GRIP1: variants seen among roughly 807,000 people sequenced by gnomAD.
GRIP1 encodes glutamate receptor-interacting protein 1.
Under a neutral mutation model 129.9 loss-of-function variants are expected in GRIP1, and 45 were observed. The ratio of observed to expected loss-of-function variants is 0.35; its 90% confidence interval spans 0.27 to 0.44. The LOEUF is 0.44. Ranked by LOEUF, GRIP1 falls within the 20% of genes least tolerant of loss-of-function variation. The probability of loss-of-function intolerance (pLI) is 1.00; values close to 1 mark genes in which losing one functional copy is unlikely to be tolerated. For missense variants in GRIP1, 1,196 were observed against 1,396.8 expected, an observed-to-expected ratio of 0.86 and a Z score of 2.29; for synonymous variants, 530 against 520.8, an observed-to-expected ratio of 1.02 and a Z score of -0.24.
At chr12:66,675,824 G>T (rs1207408900) in intron 1 of GRIP1, among the ~76,000 whole-genome samples, 2 of 152,208 alleles carry the variant, frequency 1.3e-5, no homozygotes, top group Non-Finnish European at 2.9e-5. Flanking sequence ...ATGAACCAAA[G>T]TTCCTCTCAT....
At chr12:66,394,482 TG>T (rs749433011) in intron 16 of GRIP1, 130 bp from the exon 17 acceptor site, 2 of 806,964 alleles carry the variant, frequency 2.5e-6, no homozygotes, top group South Asian at 1.5e-5. Flanking sequence ...ATAATTATTT[TG>T]GGAAGTAGCA....
At chr12:66,370,265 C>T (rs554450804) in intron 23 of GRIP1, among the ~76,000 whole-genome samples, 118 of 152,316 alleles carry the variant, frequency 7.7e-4, no homozygotes, top group South Asian at 2.7e-3. Context: ...TATCTTCCCA[C>T]TGTTTCCCAG....
At chr12:66,918,497 A>G (rs2041163252) in intron 1 of GRIP1, among the ~76,000 whole-genome samples, 1 of 152,182 alleles carries the variant, frequency 6.6e-6, no homozygotes, top group African/African-American at 2.4e-5. Context: ...GCAGGCTGAC[A>G]TATAAAACAA....
intron 1 of GRIP1, among the ~76,000 whole-genome samples, chr12:67,022,230 T>C (rs938943293): frequency 1.3e-5 from 2 of 152,150 alleles, no homozygotes; most frequent in East Asian, 3.8e-4. Flanking sequence ...GATCATATGG[T>C]AGTTGTTTTT....
At chr12:66,995,911 T>C (rs1186515310) in intron 1 of GRIP1, among the ~76,000 whole-genome samples, 2 of 152,124 alleles carry the variant, frequency 1.3e-5, no homozygotes, top group African/African-American at 2.4e-5. Context: ...AGCAAAAATG[T>C]AGGAACAACC....
intron 1 of GRIP1, among the ~76,000 whole-genome samples, chr12:66,852,346 G>A (rs2039927327): frequency 6.6e-6 from 1 of 151,862 alleles, no homozygotes; most frequent in South Asian, 2.1e-4. Context: ...CTCCCAAGAA[G>A]TTCAAACTGA....
chr12:66,412,006 T>A (rs1044268876), intron 15 of GRIP1, among the ~76,000 whole-genome samples: 2 of 152,150 alleles, frequency 1.3e-5, no homozygotes, highest in Non-Finnish European at 2.9e-5. Context: ...TATGACTGAT[T>A]GGGGTACCTG....
intron 23 of GRIP1, among the ~76,000 whole-genome samples, chr12:66,369,786 A>C (rs935407637): frequency 1.3e-5 from 2 of 152,172 alleles, no homozygotes; most frequent in Non-Finnish European, 2.9e-5. Flanking sequence ...CAGCAGACTT[A>C]GGACTGAATA....
At chr12:66,833,550 C>T (rs1431658860) in intron 1 of GRIP1, among the ~76,000 whole-genome samples, 2 of 152,150 alleles carry the variant, frequency 1.3e-5, no homozygotes, top group Admixed American at 6.5e-5. Context: ...CAAGTATCTA[C>T]CACTTCCTCT....
intron 7 of GRIP1, among the ~76,000 whole-genome samples, chr12:66,473,844 C>T (rs951735652): frequency 6.6e-6 from 1 of 152,120 alleles, no homozygotes; most frequent in Non-Finnish European, 1.5e-5. Flanking sequence ...ACATCAAAGA[C>T]CAAAGGTAGA....
chr12:66,981,254 T>C (rs2042238904), intron 1 of GRIP1, among the ~76,000 whole-genome samples: 1 of 152,162 alleles, frequency 6.6e-6, no homozygotes, highest in African/African-American at 2.4e-5. Flanking sequence ...TCCTTAATAC[T>C]TAATGCTTAT....
chr12:66,443,511 G>C (rs1426477522), intron 13 of GRIP1, among the ~76,000 whole-genome samples: 5 of 151,274 alleles, frequency 3.3e-5, no homozygotes, highest in Admixed American at 2.0e-4. Context: ...CTGGAGTGCA[G>C]TGGTGTGATC....
Position 66,869,317 on chromosome 12 carries a change from T to C in GRIP1, c.58+199733A>G, listed in dbSNP as rs561569326. Among the ~76,000 whole-genome samples the C allele has an allele frequency of 7.9e-5, 12 of 152,130 alleles. No individual in the cohort carries two copies. The South Asian group carries it at 2.3e-3, about 29-fold the overall frequency. ...GGGAAATACTGCTTCACTCATCTAC[T>C]AGAATTCAAGAGGCTAAAATCAGTT... On this transcript the variant is annotated intron_variant, in intron 1 of 1. Transcript: ENST00000643019.
At chr12:66,999,639 C>G (rs1216715281) in intron 1 of GRIP1, among the ~76,000 whole-genome samples, 2 of 152,092 alleles carry the variant, frequency 1.3e-5, no homozygotes, top group African/African-American at 4.8e-5. Context: ...TATTAACCAT[C>G]ACCAAGGAAA....
chr12:66,402,973 A>C (rs1323931886), intron 16 of GRIP1, among the ~76,000 whole-genome samples: 1 of 152,198 alleles, frequency 6.6e-6, no homozygotes, highest in East Asian at 1.9e-4. Context: ...GGACTGTGCC[A>C]GTATTTCCTT....
intron 1 of GRIP1, among the ~76,000 whole-genome samples, chr12:66,839,944 T>C (rs560833921): frequency 7.9e-5 from 12 of 152,228 alleles, no homozygotes; most frequent in Admixed American, 2.6e-4. Context: ...TAATAGATAC[T>C]ATAGGTAGCC....
At chr12:66,827,387 T>TGTGTGAGA (rs755458052) in intron 1 of GRIP1, among the ~76,000 whole-genome samples, 2,910 of 108,200 alleles carry the variant, frequency 0.027, 120 homozygotes, top group African/African-American at 0.097. Context: ...TGTGTGTGTG[T>TGTGTGAGA]GAGAGAGAGA....
At chr12:66,928,583 T>C (rs774920838) in intron 1 of GRIP1, among the ~76,000 whole-genome samples, 14 of 152,142 alleles carry the variant, frequency 9.2e-5, no homozygotes, top group Non-Finnish European at 1.9e-4. Flanking sequence ...TTTAAGAGAA[T>C]CATGGATCAC....
chr12:66,608,248 T>C (rs897960924), intron 1 of GRIP1, among the ~76,000 whole-genome samples: 1 of 152,180 alleles, frequency 6.6e-6, no homozygotes, highest in African/African-American at 2.4e-5. Context: ...TATTCAAAGC[T>C]GTAGTTTGGA....
Sources: gnomAD v4.1 joint callset for allele counts (sites outside exome capture counted in the v4.1 genomes callset) on GRCh38, gnomAD v4.1.1 for gene constraint, MANE v1.5 for transcripts, NCBI Gene and HGNC (gene_info 2026-07-23, HGNC 2026-07-21) for gene names.